MS4A4A: variants seen among roughly 807,000 people sequenced by gnomAD.
MS4A4A encodes membrane-spanning 4-domains subfamily A member 4A.
In MS4A4A, 26 loss-of-function variants were observed where a neutral mutation model predicts 28.0. The ratio of observed to expected loss-of-function variants is 0.93; its 90% confidence interval spans 0.68 to 1.29. The LOEUF is 1.29. Ranked by LOEUF, MS4A4A falls within the 50% of genes most tolerant of loss-of-function variation. MS4A4A has a pLI of 0.00. For missense variants in MS4A4A, 290 were observed against 293.1 expected (o/e 0.99, Z 0.08); for synonymous variants, 86 against 100.8 (o/e 0.85, Z 0.88).
At chr11:60,302,500 C>T in intron 4 of MS4A4A, 59 bp from the exon 5 acceptor site, 2 of 1,534,186 alleles carry the variant, frequency 1.3e-6, no homozygotes, top group African/African-American at 2.7e-5. Context: ...TAAAGTGATT[C>T]ATGGAGATAT....
chr11:60,291,893 T>C (rs2084860307), intron 1 of MS4A4A, among the ~76,000 whole-genome samples: 1 of 151,572 alleles, frequency 6.6e-6, no homozygotes, highest in Non-Finnish European at 1.5e-5. Flanking sequence ...GGGATAGAAA[T>C]AAAATCTGAG....
Position 60,302,673 on chromosome 11 carries a change from T to G in MS4A4A, c.502T>G (p.Tyr168Asp). The change falls in exon 5 of 7, where the codon TAT becomes GAT. Residue 168 changes from tyrosine (Y) to aspartate (D), a missense_variant. Transcript: ENST00000337908. Reference sequence around the variant, plus strand: ...ATTCCATCACCCTTACTGTAACTACTATGGCAACTCAAATAATTGTCATGG... The same window carrying G: ...ATTCCATCACCCTTACTGTAACTACGATGGCAACTCAAATAATTGTCATGG... ...YSFHHPYCNY[Y>D]GNSNNCHGTM... 1 of 1,613,992 alleles carries G rather than the reference T, an allele frequency of 6.2e-7. No individual in the cohort carries two copies. The highest frequency in any genetic ancestry group is 8.5e-7 in the Non-Finnish European group (1 of 1,179,848).
intron 2 of MS4A4A, among the ~76,000 whole-genome samples, chr11:60,293,827 T>G (rs1183772906): frequency 2.6e-5 from 4 of 152,244 alleles, no homozygotes; most frequent in Non-Finnish European, 5.9e-5. Context: ...TGAATAATAT[T>G]TCATTGTCTA....
chr11:60,306,149 C>A lies in MS4A4A; in HGVS notation c.596C>A (p.Ala199Asp), dbSNP rs2084997877. Residue 199 changes from alanine (A) to aspartate (D), a missense_variant, in exon 6 of 7, where the codon GCT becomes GAT. Coordinates refer to ENST00000337908, the MANE Select transcript of MS4A4A (RefSeq NM_148975.3). ...LLLSVLEFCI[A>D]VSLSAFGCKV... Reference sequence around the variant, plus strand: ...CTAAGTGTGCTGGAATTCTGCATTGCTGTGTCCCTCTCTGCCTTTGGATGT... The same window carrying A: ...CTAAGTGTGCTGGAATTCTGCATTGATGTGTCCCTCTCTGCCTTTGGATGT... 1 of 1,613,956 alleles carries A rather than the reference C, an allele frequency of 6.2e-7. No homozygotes were observed. The highest frequency in any genetic ancestry group is 1.3e-5 in the African/African-American group (1 of 74,944).
intron 1 of MS4A4A, among the ~76,000 whole-genome samples, chr11:60,285,094 C>T (rs966259979): frequency 1.3e-5 from 2 of 152,066 alleles, no homozygotes; most frequent in African/African-American, 4.8e-5. Flanking sequence ...CAAGCAGCCT[C>T]TAATCAAGAG....
intron 3 of MS4A4A, among the ~76,000 whole-genome samples, chr11:60,299,789 T>C (rs2084936591): frequency 6.6e-6 from 1 of 152,230 alleles, no homozygotes; most frequent in Non-Finnish European, 1.5e-5. Context: ...ACCAGTAATG[T>C]TGCAGTTACT....
At chr11:60,307,180 C>T (rs1372148378) in intron 6 of MS4A4A, among the ~76,000 whole-genome samples, 2 of 152,212 alleles carry the variant, frequency 1.3e-5, no homozygotes, top group Non-Finnish European at 2.9e-5. Context: ...ATAAAATAAT[C>T]ATAGTTTGAT....
intron 1 of MS4A4A, among the ~76,000 whole-genome samples, chr11:60,291,549 C>T (rs951842247): frequency 6.6e-6 from 1 of 151,926 alleles, no homozygotes; most frequent in Admixed American, 6.5e-5. Context: ...CCTGTAATTC[C>T]AGCACTTTGG....
chr11:60,300,975 A>G, intron 3 of MS4A4A, 26 bp from the exon 4 acceptor site: 8 of 1,543,370 alleles, frequency 5.2e-6, no homozygotes, highest in Non-Finnish European at 7.1e-6. Context: ...AAAGTTTTTT[A>G]CCTTCATTTT....
At chr11:60,281,320 T>C (rs957769725) in intron 1 of MS4A4A, among the ~76,000 whole-genome samples, 1 of 152,130 alleles carries the variant, frequency 6.6e-6, no homozygotes. Context: ...CTTGTAGACT[T>C]TTAGCATTCT....
chr11:60,301,023 C>T lies in MS4A4A; in HGVS notation c.353C>T (p.Ser118Leu). The T allele has an allele frequency of 6.2e-7, 1 of 1,602,522 alleles. No homozygotes were observed. Among genetic ancestry groups the T allele is most frequent in the Non-Finnish European group, 8.5e-7 (1 of 1,176,628 alleles). Residue 118 changes from serine (S) to leucine (L), a missense_variant, in exon 4 of 7, where the codon TCA (serine) becomes TTA (leucine). Ser to Leu is a moderately radical substitution (Grantham distance 145, BLOSUM62 -2). Transcript: ENST00000337908. ...SVMFIISGSL[S>L]IAAGIRTTKG... ...TAGTTTATTATTTCAGGATCCTTGT[C>T]AATTGCAGCAGGAATTAGAACTACA...
chr11:60,298,263 G>A (rs1438147626), intron 3 of MS4A4A, among the ~76,000 whole-genome samples: 1 of 152,076 alleles, frequency 6.6e-6, no homozygotes, highest in Non-Finnish European at 1.5e-5. Flanking sequence ...GCATTGCAGG[G>A]TTTCCATTTA....
chr11:60,295,204 C>A (rs1380804850), intron 2 of MS4A4A, among the ~76,000 whole-genome samples: 2 of 151,878 alleles, frequency 1.3e-5, no homozygotes, highest in African/African-American at 4.8e-5. Context: ...TTATACCTAA[C>A]AAATGCCAAA....
intron 1 of MS4A4A, among the ~76,000 whole-genome samples, chr11:60,286,714 G>C (rs1301161459): frequency 6.6e-6 from 1 of 152,028 alleles, no homozygotes; most frequent in Non-Finnish European, 1.5e-5. Context: ...TTCTCTTTAG[G>C]CTAGTCTTTG....
chr11:60,288,679 C>T (rs1012249148), intron 1 of MS4A4A, among the ~76,000 whole-genome samples: 4 of 152,110 alleles, frequency 2.6e-5, no homozygotes, highest in African/African-American at 9.7e-5. Flanking sequence ...GATGGTAGGG[C>T]ATGGCAATAT....
chr11:60,293,420 A>G (rs1004997761), intron 2 of MS4A4A, among the ~76,000 whole-genome samples: 1 of 152,200 alleles, frequency 6.6e-6, no homozygotes, highest in Admixed American at 6.5e-5. Flanking sequence ...GTACAGATCT[A>G]TCCCATATGC....
At chr11:60,307,236 G>A (rs986483191) in intron 6 of MS4A4A, among the ~76,000 whole-genome samples, 4 of 152,144 alleles carry the variant, frequency 2.6e-5, no homozygotes, top group African/African-American at 4.8e-5. Context: ...GCACCTCTTT[G>A]TCTTCTTTTG....
intron 1 of MS4A4A, among the ~76,000 whole-genome samples, chr11:60,288,869 T>C (rs551275190): frequency 6.6e-6 from 1 of 152,174 alleles, no homozygotes; most frequent in East Asian, 1.9e-4. Context: ...GGCACTGCAG[T>C]TATTTTGCCT....
At chr11:60,300,222 A>C (rs1015325901) in intron 3 of MS4A4A, among the ~76,000 whole-genome samples, 2 of 152,262 alleles carry the variant, frequency 1.3e-5, no homozygotes, top group Non-Finnish European at 2.9e-5. Flanking sequence ...TTTTAGCTAA[A>C]TGAAAAATAA....
Sources: gnomAD v4.1 joint callset for allele counts (sites outside exome capture counted in the v4.1 genomes callset) on GRCh38, gnomAD v4.1.1 for gene constraint, MANE v1.5 for transcripts, NCBI Gene and HGNC (gene_info 2026-07-23, HGNC 2026-07-21) for gene names.